The following IL1RAPL2 variants were observed in gnomAD, a reference collection of about 807,000 sequenced individuals.
IL1RAPL2 encodes the protein interleukin 1 receptor accessory protein like 2.
Under a neutral mutation model 44.1 loss-of-function variants are expected in IL1RAPL2, and 3 were observed. The observed-to-expected ratio is 0.07, with a 90% confidence interval of 0.03 to 0.18. The LOEUF is 0.18. Among genes scored for constraint, IL1RAPL2 ranks in the 10% least tolerant of loss-of-function variants. The pLI, the probability that IL1RAPL2 is intolerant of heterozygous loss-of-function variation, is 1.00. For synonymous variants in IL1RAPL2, 181 were observed against 178.8 expected (o/e 1.01, Z -0.10); for missense variants, 391 against 496.4 (o/e 0.79, Z 2.02).
rs1264574261 is a variant in IL1RAPL2, at chrX:105,745,688, A to AT, written c.1049-3265dup. Among the ~76,000 whole-genome samples the AT allele has an allele frequency of 2.2e-4, 24 of 109,981 alleles. No homozygotes were observed. The South Asian group carries it at 9.4e-3, about 43-fold the overall frequency. On this transcript the variant is annotated intron_variant, in intron 8 of 10. Transcript: ENST00000372582. ...ATGCTTCCCTCGTTTTTTATTTTTT[A>AT]TTTTTTTAGAAACAGGGCAGGGTCT... is the stretch of plus-strand genomic sequence containing the variant.
chrX:104,606,707 A>G (rs1221419763), intron 1 of IL1RAPL2, among the ~76,000 whole-genome samples: 1 of 111,141 alleles, frequency 9.0e-6, no homozygotes, highest in African/African-American at 3.3e-5. Context: ...AATTCCTACA[A>G]AGAGAATAAA....
intron 2 of IL1RAPL2, among the ~76,000 whole-genome samples, chrX:104,841,775 C>T (rs1002093164): frequency 9.0e-6 from 1 of 111,496 alleles, no homozygotes; most frequent in African/African-American, 3.3e-5. Flanking sequence ...GTCTGATGGA[C>T]TTGCCTTTGT....
intron 5 of IL1RAPL2, among the ~76,000 whole-genome samples, chrX:105,305,085 AT>A (rs780198490): frequency 1.5e-4 from 17 of 111,540 alleles, no homozygotes; most frequent in African/African-American, 5.5e-4. Context: ...CAGTAGAAAG[AT>A]GGTGTTAAAC....
At chrX:105,273,842 G>C (rs181055529) in intron 5 of IL1RAPL2, among the ~76,000 whole-genome samples, 2 of 111,718 alleles carry the variant, frequency 1.8e-5, no homozygotes, top group East Asian at 5.6e-4. Flanking sequence ...AATCTTCAGA[G>C]GGCCAAGGGG....
In IL1RAPL2 at chrX:105,374,133, AAAAG is replaced by A. The variant is rs1159303887; in HGVS notation, c.697+106602_697+106605del. On this transcript the variant is annotated intron_variant, in intron 5 of 10. Transcript: ENST00000372582. ...AGACTGTCAAAAAAAAAAAAAAAAA[AAAAG>A]AAAGAAAGAGCAGATGGCTGTAGGT... Among the ~76,000 whole-genome samples the A allele has an allele frequency of 1.0e-4, 10 of 98,740 alleles. No homozygotes were observed. The East Asian group carries it at 1.7e-3, about 17-fold the overall frequency. 85.7% of individuals were successfully genotyped at this position (98,740 alleles called of 115,157 possible). A position where few individuals can be genotyped will look rare whatever the true frequency, so the allele number is the denominator to read the frequency against.
intron 6 of IL1RAPL2, among the ~76,000 whole-genome samples, chrX:105,532,991 A>G (rs1012722796): frequency 2.7e-5 from 3 of 110,155 alleles, no homozygotes; most frequent in African/African-American, 9.9e-5. Flanking sequence ...GGATTTCGAG[A>G]CCAGCCTGGC....
intron 2 of IL1RAPL2, among the ~76,000 whole-genome samples, chrX:105,032,162 C>G (rs1478242264): frequency 2.7e-5 from 3 of 110,699 alleles, no homozygotes; most frequent in Non-Finnish European, 3.8e-5. Flanking sequence ...TTTTGTTGAT[C>G]TTTTCAAAAA....
At chrX:105,135,046 CAA>C (rs56775338) in intron 2 of IL1RAPL2, among the ~76,000 whole-genome samples, 12 of 57,424 alleles carry the variant, frequency 2.1e-4, no homozygotes, top group African/African-American at 1.1e-4. Context: ...TTCAGAGCTA[CAA>C]AAAAAAAAAA....
In IL1RAPL2 at chrX:105,209,525, C is replaced by G. The variant is rs184375828; in HGVS notation, c.356+13777C>G. ...TGAAATATCCATCCCCTTCCCTCAC[C>G]CATCAGAGCTGGGCCTTTCTCCCAG... is the stretch of plus-strand genomic sequence containing the variant. On this transcript the variant is annotated intron_variant, in intron 3 of 10. Coordinates refer to ENST00000372582, the MANE Select transcript of IL1RAPL2 (RefSeq NM_017416.2). 6.7e-4 allele frequency among the ~76,000 whole-genome samples: 75 copies of G among 111,573 alleles called. 1 individual carries two copies. Among genetic ancestry groups the G allele is most frequent in the African/African-American group, 2.4e-3 (73 of 30,721 alleles).
intron 1 of IL1RAPL2, among the ~76,000 whole-genome samples, chrX:104,582,381 G>GA (rs1254083041): frequency 8.9e-6 from 1 of 111,809 alleles, no homozygotes; most frequent in Non-Finnish European, 1.9e-5. Flanking sequence ...GTGTTTGCAT[G>GA]AAAAAAAGAC....
chrX:104,978,817 T>C (rs2030384189), intron 2 of IL1RAPL2, among the ~76,000 whole-genome samples: 1 of 111,838 alleles, frequency 8.9e-6, no homozygotes, highest in African/African-American at 3.2e-5. Flanking sequence ...AGAAAAAATG[T>C]ATTTTTTATT....
intron 2 of IL1RAPL2, among the ~76,000 whole-genome samples, chrX:104,750,998 G>A (rs1229641913): frequency 2.7e-5 from 3 of 110,977 alleles, no homozygotes; most frequent in Non-Finnish European, 5.7e-5. Context: ...TAAACTAGAT[G>A]GTATTTTAGG....
chrX:105,597,969 G>A (rs1042034014), intron 6 of IL1RAPL2, among the ~76,000 whole-genome samples: 1 of 111,180 alleles, frequency 9.0e-6, no homozygotes, highest in Non-Finnish European at 1.9e-5. Context: ...TACACCTGAG[G>A]AAATGAAATC....
At chrX:104,583,147 C>T (rs1199843789) in intron 1 of IL1RAPL2, among the ~76,000 whole-genome samples, 1 of 110,012 alleles carries the variant, frequency 9.1e-6, no homozygotes, top group Non-Finnish European at 1.9e-5. Context: ...CTCAGCCTCC[C>T]AAAGTGCTGG....
intron 2 of IL1RAPL2, among the ~76,000 whole-genome samples, chrX:105,028,084 G>C (rs905578054): frequency 9.0e-6 from 1 of 111,343 alleles, no homozygotes; most frequent in Non-Finnish European, 1.9e-5. Context: ...GGCACAGAAA[G>C]ACAAATATCA....
At chrX:105,495,292 A>C (rs1302832899) in intron 6 of IL1RAPL2, among the ~76,000 whole-genome samples, 1 of 112,220 alleles carries the variant, frequency 8.9e-6, no homozygotes, top group Non-Finnish European at 1.9e-5. Flanking sequence ...AACTCCTTCA[A>C]AAAGAGTATA....
At chrX:105,712,196 C>A (rs917009358) in intron 6 of IL1RAPL2, among the ~76,000 whole-genome samples, 1 of 112,095 alleles carries the variant, frequency 8.9e-6, no homozygotes, top group Non-Finnish European at 1.9e-5. Flanking sequence ...CCTAGGCTAT[C>A]AACAGCATCC....
chrX:104,752,983 C>T (rs1932285679), intron 2 of IL1RAPL2, among the ~76,000 whole-genome samples: 2 of 109,871 alleles, frequency 1.8e-5, no homozygotes, highest in Non-Finnish European at 3.8e-5. Flanking sequence ...TGATTTCCCA[C>T]CCAAACTCTT....
chrX:104,997,579 G>T (rs73635172), intron 2 of IL1RAPL2, among the ~76,000 whole-genome samples: 1 of 111,443 alleles, frequency 9.0e-6, no homozygotes, highest in African/African-American at 3.3e-5. Context: ...TTAATTAAGA[G>T]ACTTTTTCAA....
Sources: allele counts gnomAD v4.1 joint callset (sites outside exome capture counted in the v4.1 genomes callset), GRCh38; gene constraint gnomAD v4.1.1; transcripts MANE v1.5; gene names NCBI Gene and HGNC (gene_info 2026-07-23, HGNC 2026-07-21).